The following SPECC1 variants were observed in gnomAD, a reference collection of about 807,000 sequenced individuals.
SPECC1 encodes the protein sperm antigen with calponin homology and coiled-coil domains 1.
A neutral mutation model predicts 104.1 loss-of-function variants in SPECC1; 62 were observed. The ratio of observed to expected loss-of-function variants is 0.60; its 90% CI spans 0.49 to 0.74. The LOEUF (loss-of-function observed/expected upper bound fraction) is 0.74, where lower values mean the gene tolerates loss of function less well. Ranked by LOEUF, SPECC1 falls within the 30% of genes least tolerant of loss-of-function variation. The pLI, the probability that SPECC1 is intolerant of heterozygous loss-of-function variation, is 0.00. For synonymous variants in SPECC1, 513 were observed against 501.6 expected, an observed-to-expected ratio of 1.02 and a Z score of -0.30; for missense variants, 1,306 against 1,310.5, an observed-to-expected ratio of 1.00 and a Z score of 0.05.
Position 20,205,854 on chromosome 17 carries a change from G to T in SPECC1, c.1805G>T (p.Arg602Ile). ...CTGGAACTGTCTTGCAATGAGCTCA[G>T]ACAAGAATTACTAAAGGCAAACGGT... ...DLLELSCNELRQELLKANGEI... is the reference protein window; with the variant it reads ...DLLELSCNELIQELLKANGEI... Residue 602 changes from arginine (R) to isoleucine (I), a missense_variant, in exon 4 of 15, where the codon AGA (arginine) becomes ATA (isoleucine). By Grantham distance (97) the Arg-to-Ile change is moderately conservative. Around this residue, in one of 2 missense-constraint regions of SPECC1, gnomAD observed 1,177 missense variants for 1,139.9 expected, o/e 1.03. Coordinates refer to ENST00000395527, the MANE Select transcript of SPECC1 (RefSeq NM_001243439.2). The T allele has an allele frequency of 6.2e-7, 1 of 1,614,042 alleles. No homozygotes were observed. Among genetic ancestry groups the T allele is most frequent in the East Asian group, 2.2e-5 (1 of 44,882 alleles).
At chr17:20,060,176 G>A (rs997137499) in intron 1 of SPECC1, among the ~76,000 whole-genome samples, 2 of 151,866 alleles carry the variant, frequency 1.3e-5, no homozygotes, top group African/African-American at 2.4e-5. Context: ...TTTCAATGAC[G>A]CCTCTATAGT....
chr17:20,223,966 T>C (rs909270861), intron 4 of SPECC1, among the ~76,000 whole-genome samples: 4 of 152,188 alleles, frequency 2.6e-5, no homozygotes, highest in African/African-American at 4.8e-5. Context: ...TTGTTTGTAC[T>C]TGTCTTTCTT....
intron 3 of SPECC1, among the ~76,000 whole-genome samples, chr17:20,130,539 A>T (rs1245804554): frequency 6.6e-6 from 1 of 152,140 alleles, no homozygotes; most frequent in East Asian, 1.9e-4. Flanking sequence ...TGTCTCTATT[A>T]AAAAAGAAAA....
chr17:20,310,619 A>G (rs183035837), intron 14 of SPECC1, among the ~76,000 whole-genome samples: 2 of 152,284 alleles, frequency 1.3e-5, no homozygotes, highest in East Asian at 3.9e-4. Context: ...CGGCCAAAAC[A>G]TGTGTCCCCA....
chr17:20,286,958 C>T (rs892478953), intron 12 of SPECC1, among the ~76,000 whole-genome samples: 6 of 152,218 alleles, frequency 3.9e-5, no homozygotes, highest in Non-Finnish European at 8.8e-5. Context: ...CTGTGCTAGC[C>T]CCAAGAAAGT....
intron 12 of SPECC1, among the ~76,000 whole-genome samples, chr17:20,262,296 G>T (rs1023843139): frequency 2.6e-4 from 40 of 152,192 alleles, no homozygotes; most frequent in Admixed American, 9.8e-4. Flanking sequence ...AAACATATGT[G>T]CTCATTCCTG....
chr17:20,287,290 G>A (rs914184950), intron 12 of SPECC1, among the ~76,000 whole-genome samples: 8 of 151,810 alleles, frequency 5.3e-5, no homozygotes, highest in South Asian at 4.1e-4. Flanking sequence ...GGTGGCGGGC[G>A]CCTGTAGTCC....
At chr17:20,233,928 A>G (rs1034341497) in intron 7 of SPECC1, among the ~76,000 whole-genome samples, 5 of 152,226 alleles carry the variant, frequency 3.3e-5, no homozygotes, top group African/African-American at 1.2e-4. Flanking sequence ...GGTAAAAGAC[A>G]AGTCCTGAGT....
Position 20,312,067 on chromosome 17 carries a change from T to C in SPECC1, c.3118-1909T>C, listed in dbSNP as rs187600698. ...ATTGTGTATTCATGAGAAATTGGCA[T>C]GTAGATTTCCTGTAATGTTTATGTC... On this transcript the variant is annotated intron_variant, in intron 14 of 14. Coordinates refer to ENST00000395527, the MANE Select transcript of SPECC1 (RefSeq NM_001243439.2). 1.8e-4 allele frequency among the ~76,000 whole-genome samples: 27 copies of C among 152,340 alleles called. 1 individual carries two copies. The East Asian group carries it at 5.0e-3, about 28-fold the overall frequency.
chr17:20,144,366 C>CT (rs1332881697), intron 3 of SPECC1, among the ~76,000 whole-genome samples: 2 of 150,950 alleles, frequency 1.3e-5, no homozygotes, highest in Non-Finnish European at 3.0e-5. Flanking sequence ...AATTTTTTTA[C>CT]TTTTTGTAGA....
At chr17:20,021,676 A>T (rs559848083) in intron 1 of SPECC1, among the ~76,000 whole-genome samples, 1 of 129,190 alleles carries the variant, frequency 7.7e-6, no homozygotes, top group East Asian at 2.2e-4. Flanking sequence ...TATATATATA[A>T]TATAATAATA....
At chr17:20,295,347 A>G (rs1204495589) in intron 12 of SPECC1, among the ~76,000 whole-genome samples, 1 of 152,078 alleles carries the variant, frequency 6.6e-6, no homozygotes. Context: ...AAAGGACATG[A>G]ACTCATCCTT....
intron 1 of SPECC1, among the ~76,000 whole-genome samples, chr17:20,074,473 T>C (rs924725495): frequency 6.6e-6 from 1 of 152,214 alleles, no homozygotes; most frequent in African/African-American, 2.4e-5. Context: ...TTTCTAGAAA[T>C]TAAGTTTTTG....
At chr17:20,241,763 A>C (rs2039214926) in intron 7 of SPECC1, among the ~76,000 whole-genome samples, 1 of 152,238 alleles carries the variant, frequency 6.6e-6, no homozygotes, top group Non-Finnish European at 1.5e-5. Context: ...TTTGACACCT[A>C]AGAGACAAAG....
chr17:20,179,530 C>G (rs2034713128), intron 3 of SPECC1, among the ~76,000 whole-genome samples: 1 of 152,190 alleles, frequency 6.6e-6, no homozygotes, highest in Admixed American at 6.5e-5. Context: ...CTACCTTTAA[C>G]TGAGACTAAT....
At chr17:20,151,854 G>A (rs890313998) in intron 3 of SPECC1, among the ~76,000 whole-genome samples, 3 of 151,998 alleles carry the variant, frequency 2.0e-5, no homozygotes, top group Non-Finnish European at 2.9e-5. Context: ...TTCGAGACCA[G>A]CCTGACCAAC....
Position 20,205,197 on chromosome 17 carries a change from A to G in SPECC1, c.1148A>G (p.Asn383Ser), listed in dbSNP as rs2036696159. 2 of 1,614,042 alleles carry G rather than the reference A, an allele frequency of 1.2e-6. No individual in the cohort carries two copies. Among genetic ancestry groups the G allele is most frequent in the African/African-American group, 1.3e-5 (1 of 74,928 alleles). Residue 383 changes from asparagine to serine, a missense_variant, in exon 4 of 15, where the codon AAC becomes AGC. Coordinates refer to ENST00000395527, the MANE Select transcript of SPECC1 (RefSeq NM_001243439.2). The stretch of plus-strand genomic sequence containing the variant: ...GAGAAGATACAAAAGATGGAAGAAA[A>G]CCACCATAGCACTGCAGAAGAACTA... ...LTEKIQKMEE[N>S]HHSTAEELQA... is the part of the protein sequence containing the mutation.
chr17:20,228,664 A>G (rs897336057), intron 5 of SPECC1, among the ~76,000 whole-genome samples: 1 of 152,208 alleles, frequency 6.6e-6, no homozygotes, highest in African/African-American at 2.4e-5. Flanking sequence ...CATGTGTCCC[A>G]TTGGTGGTAG....
At chr17:20,126,098 A>C (rs987903530) in intron 3 of SPECC1, among the ~76,000 whole-genome samples, 1 of 149,510 alleles carries the variant, frequency 6.7e-6, no homozygotes, top group Admixed American at 6.6e-5. Flanking sequence ...ATCTTTGCCA[A>C]CTCTTTCCAT....
Sources: gnomAD v4.1 joint callset for allele counts (sites outside exome capture counted in the v4.1 genomes callset) on GRCh38, gnomAD v4.1.1 for gene constraint, gnomAD v4.1.1 regional missense constraint, MANE v1.5 for transcripts, NCBI Gene and HGNC (gene_info 2026-07-23, HGNC 2026-07-21) for gene names.